ACTR3C: variants seen among roughly 807,000 people sequenced by gnomAD.
The protein encoded by ACTR3C is actin-related protein 3C.
A neutral mutation model predicts 26.3 loss-of-function variants in ACTR3C; 18 were observed. That is an observed-to-expected ratio of 0.68 (90% CI 0.47 to 1.01). The LOEUF is 1.01. Among genes scored for constraint, ACTR3C ranks in the 50% least tolerant of loss-of-function variants. ACTR3C has a pLI of 0.00. For missense variants in ACTR3C, 184 were observed against 250.7 expected, an observed-to-expected ratio of 0.73 and a Z score of 1.80; for synonymous variants, 55 against 94.5, an observed-to-expected ratio of 0.58 and a Z score of 2.42.
At chr7:149,889,472 T>C in the ACTR3C span, among the ~76,000 whole-genome samples, 1 of 152,196 alleles carries the variant, frequency 6.6e-6, no homozygotes, top group Non-Finnish European at 1.5e-5. Context: ...AATTGGCATG[T>C]ATATTCCCAG....
the ACTR3C span, among the ~76,000 whole-genome samples, chr7:150,136,102 C>G: frequency 1.8e-3 from 277 of 152,216 alleles, 1 homozygote; most frequent in African/African-American, 6.4e-3. Context: ...AGCTGTCATG[C>G]CCCTACATCT....
chr7:150,198,855 C>T, the ACTR3C span, among the ~76,000 whole-genome samples: 5 of 144,830 alleles, frequency 3.5e-5, no homozygotes, highest in South Asian at 2.2e-4. Context: ...AGGTGAGGGG[C>T]GCCTCTGCCT....
chr7:150,199,625 A>AT, the ACTR3C span, among the ~76,000 whole-genome samples: 1 of 134,228 alleles, frequency 7.5e-6, no homozygotes, highest in Admixed American at 7.2e-5. Flanking sequence ...TTAAAAAAAA[A>AT]AAATAAATAA....
At chr7:150,035,643 C>A in the ACTR3C span, among the ~76,000 whole-genome samples, 45 of 136,878 alleles carry the variant, frequency 3.3e-4, 6 homozygotes, top group African/African-American at 1.2e-3. Context: ...TCTACTTGGA[C>A]AACTAACACT....
the ACTR3C span, among the ~76,000 whole-genome samples, chr7:150,198,955 C>G: frequency 2.2e-5 from 3 of 137,170 alleles, no homozygotes; most frequent in Non-Finnish European, 4.6e-5. Flanking sequence ...CCTGCCCGGC[C>G]AGCCGCCCCG....
At chr7:149,950,526 A>C in the ACTR3C span, among the ~76,000 whole-genome samples, 8,453 of 148,150 alleles carry the variant, frequency 0.057, 252 homozygotes, top group African/African-American at 0.2. Context: ...GGATGGCTTC[A>C]CGAAAAACCA....
the ACTR3C span, among the ~76,000 whole-genome samples, chr7:150,024,425 A>G: frequency 6.6e-6 from 1 of 150,672 alleles, no homozygotes; most frequent in African/African-American, 2.4e-5. Context: ...TCTCTGTGCC[A>G]GACAACCATA....
intron 6 of ACTR3C, among the ~76,000 whole-genome samples, chr7:150,260,892 T>C (rs1401189984): frequency 1.3e-5 from 2 of 152,236 alleles, no homozygotes; most frequent in African/African-American, 2.4e-5. Flanking sequence ...ATGGACTTCT[T>C]TGCAGTCTGA....
the ACTR3C span, among the ~76,000 whole-genome samples, chr7:150,041,884 C>T: frequency 6.9e-6 from 1 of 144,022 alleles, no homozygotes; most frequent in East Asian, 2.1e-4. Context: ...GTTGCCTCCC[C>T]CTCCTGCGAT....
chr7:150,139,326 C>A, the ACTR3C span, among the ~76,000 whole-genome samples: 222 of 151,710 alleles, frequency 1.5e-3, no homozygotes, highest in African/African-American at 5.3e-3. Context: ...TCTGCCTACG[C>A]AGAAGACTGG....
At chr7:150,132,073 G>A in the ACTR3C span, among the ~76,000 whole-genome samples, 1 of 152,210 alleles carries the variant, frequency 6.6e-6, no homozygotes, top group African/African-American at 2.4e-5. Context: ...TGAGGGTCAG[G>A]CATTGAAGTT....
chr7:150,309,854 C>A (rs1796146577), intron 1 of ACTR3C, among the ~76,000 whole-genome samples: 6 of 152,180 alleles, frequency 3.9e-5, no homozygotes, highest in Admixed American at 3.9e-4. Context: ...GGAAAGCCCC[C>A]TGGACCATCA....
At chr7:150,195,375 G>A in the ACTR3C span, among the ~76,000 whole-genome samples, 8 of 151,880 alleles carry the variant, frequency 5.3e-5, no homozygotes, top group East Asian at 1.9e-4. Context: ...GTAGATATAA[G>A]TTTCTTTCTG....
At chr7:150,292,788 C>T (rs1419398135) in intron 3 of ACTR3C, among the ~76,000 whole-genome samples, 3 of 152,112 alleles carry the variant, frequency 2.0e-5, no homozygotes, top group African/African-American at 7.2e-5. Context: ...TGAGCCACCG[C>T]GCCCAGCCCT....
chr7:150,010,277 A>C, the ACTR3C span, among the ~76,000 whole-genome samples: 1 of 152,208 alleles, frequency 6.6e-6, no homozygotes, highest in Non-Finnish European at 1.5e-5. Flanking sequence ...AAAATATGTA[A>C]CATCACCCTG....
chr7:150,220,175 G>T, the ACTR3C span, among the ~76,000 whole-genome samples: 7 of 147,760 alleles, frequency 4.7e-5, no homozygotes, highest in South Asian at 2.1e-4. Flanking sequence ...GTCTCCACTC[G>T]CCCGCCAACT....
the ACTR3C span, among the ~76,000 whole-genome samples, chr7:150,034,123 G>T: frequency 6.6e-6 from 1 of 151,680 alleles, no homozygotes; most frequent in Non-Finnish European, 1.5e-5. Context: ...GGGGAAGAGG[G>T]GATGGATCTC....
chr7:150,037,121 A>T, the ACTR3C span, among the ~76,000 whole-genome samples: 20 of 45,054 alleles, frequency 4.4e-4, no homozygotes, highest in South Asian at 8.2e-4. Context: ...GGGAAGAGGG[A>T]CTGGCTCTCA....
At chr7:150,220,815 C>A in the ACTR3C span, among the ~76,000 whole-genome samples, 7 of 152,426 alleles carry the variant, frequency 4.6e-5, no homozygotes, top group African/African-American at 1.4e-4. Flanking sequence ...CGCTCCAGGG[C>A]GGATCTTTCC....
Sources: gnomAD v4.1 joint callset for allele counts (sites outside exome capture counted in the v4.1 genomes callset) on GRCh38, gnomAD v4.1.1 for gene constraint, MANE v1.5 for transcripts, NCBI Gene and HGNC (gene_info 2026-07-23, HGNC 2026-07-21) for gene names.